The following EFNA5 variants were observed in gnomAD, a reference collection of about 807,000 sequenced individuals.
EFNA5 encodes ephrin-A5.
Under a neutral mutation model 22.9 loss-of-function variants are expected in EFNA5, and 5 were observed. That is an observed-to-expected ratio of 0.22 (90% CI 0.11 to 0.46). The LOEUF (loss-of-function observed/expected upper bound fraction) is 0.46. Among genes scored for constraint, EFNA5 ranks in the 20% least tolerant of loss-of-function variants. The probability of loss-of-function intolerance (pLI) is 0.99; values close to 1 mark genes in which losing one functional copy is unlikely to be tolerated. For synonymous variants in EFNA5, 113 were observed against 112.2 expected (o/e 1.01, Z -0.04); for missense variants, 237 against 293.3 (o/e 0.81, Z 1.40).
intron 2 of EFNA5, among the ~76,000 whole-genome samples, chr5:107,395,734 T>C (rs1747904341): frequency 6.6e-6 from 1 of 152,178 alleles, no homozygotes; most frequent in African/African-American, 2.4e-5. Context: ...CTTACTGTAC[T>C]AGAGAGGTAT....
At chr5:107,543,565 T>TA (rs1264245307) in intron 1 of EFNA5, among the ~76,000 whole-genome samples, 2 of 152,184 alleles carry the variant, frequency 1.3e-5, no homozygotes, top group Admixed American at 6.5e-5. Flanking sequence ...ACTATTGTCA[T>TA]AAAAAAGTGC....
At chr5:107,485,766 G>A (rs927070835) in intron 1 of EFNA5, among the ~76,000 whole-genome samples, 7 of 152,122 alleles carry the variant, frequency 4.6e-5, no homozygotes, top group Admixed American at 3.9e-4. Context: ...TGAAATGTTC[G>A]GTCTAGGTAA....
chr5:107,492,292 T>G (rs1014027525), intron 1 of EFNA5, among the ~76,000 whole-genome samples: 1 of 152,190 alleles, frequency 6.6e-6, no homozygotes, highest in Non-Finnish European at 1.5e-5. Flanking sequence ...GAAAAAATGC[T>G]TCAAAGATTT....
intron 1 of EFNA5, among the ~76,000 whole-genome samples, chr5:107,663,843 T>C (rs1751016852): frequency 6.6e-6 from 1 of 152,160 alleles, no homozygotes; most frequent in African/African-American, 2.4e-5. Flanking sequence ...TTTTTATTCC[T>C]CACTTGAGTG....
At chr5:107,655,521 G>A (rs1750803067) in intron 1 of EFNA5, among the ~76,000 whole-genome samples, 1 of 151,990 alleles carries the variant, frequency 6.6e-6, no homozygotes. Context: ...GCCAAGTTCT[G>A]CCCACCAACA....
intron 1 of EFNA5, among the ~76,000 whole-genome samples, chr5:107,628,887 G>A (rs1298018735): frequency 2.0e-5 from 3 of 152,246 alleles, no homozygotes; most frequent in East Asian, 1.9e-4. Flanking sequence ...ATAAGGAGAC[G>A]AAGAAGAAAG....
chr5:107,510,270 C>T (rs1747342187), intron 1 of EFNA5, among the ~76,000 whole-genome samples: 1 of 152,218 alleles, frequency 6.6e-6, no homozygotes, highest in South Asian at 2.1e-4. Flanking sequence ...TTACAAATGC[C>T]ATGGCAATGT....
chr5:107,604,190 A>T (rs192779640), intron 1 of EFNA5, among the ~76,000 whole-genome samples: 3 of 152,080 alleles, frequency 2.0e-5, no homozygotes, highest in East Asian at 1.9e-4. Context: ...TTATTTATTT[A>T]TTTTTTAAGA....
chr5:107,530,612 C>T (rs1490189002), intron 1 of EFNA5, among the ~76,000 whole-genome samples: 1 of 152,162 alleles, frequency 6.6e-6, no homozygotes, highest in African/African-American at 2.4e-5. Flanking sequence ...GCCAAATGAA[C>T]ATACCAAATT....
At chr5:107,661,555 T>C (rs1455143802) in intron 1 of EFNA5, among the ~76,000 whole-genome samples, 2 of 152,212 alleles carry the variant, frequency 1.3e-5, no homozygotes, top group Non-Finnish European at 2.9e-5. Flanking sequence ...TTCCGACATC[T>C]GTCTGTATTT....
At chr5:107,484,902 A>G (rs1205049657) in intron 1 of EFNA5, among the ~76,000 whole-genome samples, 1 of 152,088 alleles carries the variant, frequency 6.6e-6, no homozygotes, top group African/African-American at 2.4e-5. Flanking sequence ...TTAAAAATAA[A>G]GGTACCACAA....
At chr5:107,645,361 A>G (rs1019761793) in intron 1 of EFNA5, among the ~76,000 whole-genome samples, 3 of 152,196 alleles carry the variant, frequency 2.0e-5, no homozygotes, top group African/African-American at 7.2e-5. Flanking sequence ...ATTTTTCCCA[A>G]CTGACCGAAT....
At chr5:107,493,648 A>C (rs1746877038) in intron 1 of EFNA5, among the ~76,000 whole-genome samples, 1 of 152,232 alleles carries the variant, frequency 6.6e-6, no homozygotes, top group African/African-American at 2.4e-5. Context: ...GAGAATATTA[A>C]CATGTACTTT....
At chr5:107,575,959 T>A (rs1748919610) in intron 1 of EFNA5, among the ~76,000 whole-genome samples, 1 of 152,218 alleles carries the variant, frequency 6.6e-6, no homozygotes, top group Non-Finnish European at 1.5e-5. Flanking sequence ...AGGCAGGATT[T>A]ATTTAATTTC....
At chr5:107,594,352 G>A (rs1749432954) in intron 1 of EFNA5, among the ~76,000 whole-genome samples, 1 of 152,114 alleles carries the variant, frequency 6.6e-6, no homozygotes, top group Admixed American at 6.5e-5. Context: ...AAGGGCTGCT[G>A]GTGGTACTGA....
At chr5:107,557,261 G>A (rs1182051834) in intron 1 of EFNA5, among the ~76,000 whole-genome samples, 1 of 151,212 alleles carries the variant, frequency 6.6e-6, no homozygotes, top group African/African-American at 2.4e-5. Flanking sequence ...TGTTAAATGA[G>A]AAGGGGCGAG....
intron 1 of EFNA5, among the ~76,000 whole-genome samples, chr5:107,459,661 T>C (rs888467947): frequency 5.9e-5 from 9 of 152,102 alleles, no homozygotes; most frequent in African/African-American, 2.2e-4. Flanking sequence ...CTGTGAGAGT[T>C]GAGAGTTTCT....
chr5:107,617,251 G>T (rs1430258488), intron 1 of EFNA5, among the ~76,000 whole-genome samples: 2 of 150,762 alleles, frequency 1.3e-5, no homozygotes, highest in Admixed American at 6.6e-5. Flanking sequence ...GAGAGAGAGA[G>T]AGAGAGAAAG....
At chr5:107,660,261 CATATATATATATATATATAT>C (rs56838945) in intron 1 of EFNA5, among the ~76,000 whole-genome samples, 3,886 of 52,424 alleles carry the variant, frequency 0.074, 205 homozygotes, top group South Asian at 0.12. Flanking sequence ...ATGGCAAAAA[CATATATATATATATATATAT>C]ATATATATAT....
Sources: allele counts gnomAD v4.1 joint callset (sites outside exome capture counted in the v4.1 genomes callset), GRCh38; gene constraint gnomAD v4.1.1; transcripts MANE v1.5; gene names NCBI Gene and HGNC (gene_info 2026-07-23, HGNC 2026-07-21).